The following NRG3 variants were observed in gnomAD, a reference collection of about 807,000 sequenced individuals.
NRG3 encodes pro-neuregulin-3, membrane-bound isoform.
A neutral mutation model predicts 66.9 loss-of-function variants in NRG3; 31 were observed. That is an observed-to-expected ratio of 0.46 (90% CI 0.35 to 0.63). The LOEUF (loss-of-function observed/expected upper bound fraction) is 0.63, where lower values mean the gene tolerates loss of function less well. Ranked by LOEUF, NRG3 falls within the 20% of genes least tolerant of loss-of-function variation. The pLI, the probability that NRG3 is intolerant of heterozygous loss-of-function variation, is 0.00. For synonymous variants in NRG3, 393 were observed against 359.4 expected, an observed-to-expected ratio of 1.09 and a Z score of -1.06; for missense variants, 910 against 878.9, an observed-to-expected ratio of 1.04 and a Z score of -0.45.
intron 1 of NRG3, among the ~76,000 whole-genome samples, chr10:82,223,163 G>A (rs1193349848): frequency 6.6e-6 from 1 of 152,028 alleles, no homozygotes; most frequent in Non-Finnish European, 1.5e-5. Context: ...GCATGGGACA[G>A]CCAGAACAAC....
At chr10:82,491,316 A>ATATATATATATATATATACATATATATAT (rs1389375279) in intron 2 of NRG3, among the ~76,000 whole-genome samples, 26 of 136,772 alleles carry the variant, frequency 1.9e-4, no homozygotes, top group Non-Finnish European at 2.9e-4. Context: ...ATATATATAT[A>ATATATATATATATATATACATATATATAT]AAATAAAGAT....
intron 3 of NRG3, among the ~76,000 whole-genome samples, chr10:82,849,300 A>G (rs939729489): frequency 6.6e-6 from 1 of 152,084 alleles, no homozygotes; most frequent in Non-Finnish European, 1.5e-5. Flanking sequence ...CTGCCTCACA[A>G]TCCTGAGATG....
At chr10:82,561,325 T>C (rs1277476157) in intron 2 of NRG3, among the ~76,000 whole-genome samples, 1 of 152,182 alleles carries the variant, frequency 6.6e-6, no homozygotes, top group Non-Finnish European at 1.5e-5. Context: ...AAATTTACAG[T>C]ATGCCATCAT....
intron 6 of NRG3, among the ~76,000 whole-genome samples, chr10:82,965,119 CA>C (rs1489381171): frequency 1.3e-5 from 2 of 152,054 alleles, no homozygotes; most frequent in Non-Finnish European, 2.9e-5. Context: ...ACAACAACAA[CA>C]AAAAACACTT....
intron 1 of NRG3, among the ~76,000 whole-genome samples, chr10:82,279,063 A>G (rs1156837917): frequency 1.3e-5 from 2 of 152,190 alleles, no homozygotes; most frequent in Non-Finnish European, 2.9e-5. Flanking sequence ...TACAGGAGTC[A>G]TAGCTACTTT....
At chr10:82,657,247 G>A (rs2133935462) in intron 2 of NRG3, among the ~76,000 whole-genome samples, 1 of 151,770 alleles carries the variant, frequency 6.6e-6, no homozygotes, top group Non-Finnish European at 1.5e-5. Flanking sequence ...CTCTCTCTCT[G>A]TTCTGTCTAG....
rs757074589 is a variant in NRG3, at chr10:82,678,653, C to G, written c.954-59924C>G. Among the ~76,000 whole-genome samples, 191 of 152,260 alleles carry G rather than the reference C, an allele frequency of 1.3e-3. 1 individual carries two copies. The highest frequency in any genetic ancestry group is 3.7e-3 in the African/African-American group (153 of 41,546). On this transcript the variant is annotated intron_variant, in intron 2 of 8. Transcript: ENST00000372141. ...GTGTGACAACTGCCTGACCATCACC[C>G]GACGGTCGCCTGACATTCTTAGATT...
chr10:82,422,758 G>A (rs2089171150), intron 2 of NRG3, among the ~76,000 whole-genome samples: 1 of 151,956 alleles, frequency 6.6e-6, no homozygotes, highest in South Asian at 2.1e-4. Context: ...GATGATTAAG[G>A]CAGCTTTGCT....
At chr10:82,647,282 A>G (rs1161300286) in intron 2 of NRG3, among the ~76,000 whole-genome samples, 1 of 151,982 alleles carries the variant, frequency 6.6e-6, no homozygotes, top group Non-Finnish European at 1.5e-5. Context: ...GCGATAGTTT[A>G]CTGAGGATGA....
At chr10:82,111,305 C>T (rs967126561) in intron 1 of NRG3, among the ~76,000 whole-genome samples, 3 of 152,176 alleles carry the variant, frequency 2.0e-5, no homozygotes, top group Admixed American at 1.3e-4. Flanking sequence ...TTCTAATAAT[C>T]TCTTCTTAAA....
chr10:82,588,656 C>A (rs1448273829), intron 2 of NRG3, among the ~76,000 whole-genome samples: 1 of 152,102 alleles, frequency 6.6e-6, no homozygotes, highest in Non-Finnish European at 1.5e-5. Context: ...GTGCCCAACA[C>A]CACGCCCAGC....
chr10:82,888,917 A>G (rs933460058), intron 4 of NRG3, among the ~76,000 whole-genome samples: 8 of 152,246 alleles, frequency 5.3e-5, no homozygotes, highest in Admixed American at 3.3e-4. Context: ...CTTTCCAGGC[A>G]TAGGAAAGTT....
intron 1 of NRG3, among the ~76,000 whole-genome samples, chr10:82,190,743 C>A (rs572450726): frequency 1.3e-5 from 2 of 152,172 alleles, no homozygotes; most frequent in African/African-American, 2.4e-5. Context: ...TCAGCAAGAG[C>A]GCAGCCAAGG....
At chr10:81,990,313 G>A (rs756651355) in intron 1 of NRG3, among the ~76,000 whole-genome samples, 3 of 152,124 alleles carry the variant, frequency 2.0e-5, no homozygotes, top group African/African-American at 7.2e-5. Flanking sequence ...CATATTAAAA[G>A]TGGAGAATTT....
chr10:82,085,746 C>T (rs550342082), intron 1 of NRG3, among the ~76,000 whole-genome samples: 1 of 152,124 alleles, frequency 6.6e-6, no homozygotes, highest in Admixed American at 6.5e-5. Context: ...AAGCAATTCT[C>T]CTACCTCAGC....
At chr10:82,675,770 A>G (rs1053712002) in intron 2 of NRG3, among the ~76,000 whole-genome samples, 2 of 152,238 alleles carry the variant, frequency 1.3e-5, no homozygotes, top group African/African-American at 2.4e-5. Flanking sequence ...GGAGTTGGCT[A>G]GATCAGATCT....
intron 1 of NRG3, among the ~76,000 whole-genome samples, chr10:82,034,751 C>T (rs1351965605): frequency 6.6e-6 from 1 of 151,854 alleles, no homozygotes; most frequent in Non-Finnish European, 1.5e-5. Flanking sequence ...GCTTAAAACC[C>T]ACCCGTTCCT....
chr10:82,004,981 C>G (rs567362676), intron 1 of NRG3, among the ~76,000 whole-genome samples: 1 of 152,322 alleles, frequency 6.6e-6, no homozygotes, highest in African/African-American at 2.4e-5. Flanking sequence ...TGAGTACATA[C>G]TGTCATGCTT....
intron 1 of NRG3, among the ~76,000 whole-genome samples, chr10:82,260,233 C>T (rs2077953355): frequency 1.3e-5 from 2 of 152,128 alleles, no homozygotes; most frequent in African/African-American, 4.8e-5. Context: ...CTGAGTTTGG[C>T]GTTTGTACTT....
Sources: gnomAD v4.1 joint callset for allele counts (sites outside exome capture counted in the v4.1 genomes callset) on GRCh38, gnomAD v4.1.1 for gene constraint, MANE v1.5 for transcripts, NCBI Gene and HGNC (gene_info 2026-07-23, HGNC 2026-07-21) for gene names.